Variants in SLC5A10 observed in about 807,000 individuals in gnomAD.
SLC5A10 encodes sodium/mannose cotransporter SLC5A10.
SLC5A10 carries 55 observed loss-of-function variants against 68.9 expected under a neutral mutation model. The ratio of observed to expected loss-of-function variants is 0.80; its 90% CI spans 0.64 to 1.00. The LOEUF (loss-of-function observed/expected upper bound fraction) is 1.00. Among genes scored for constraint, SLC5A10 ranks in the 50% least tolerant of loss-of-function variants. The probability of loss-of-function intolerance (pLI) is 0.00; values close to 1 mark genes in which losing one functional copy is unlikely to be tolerated. For synonymous variants in SLC5A10, 344 were observed against 344.8 expected, an observed-to-expected ratio of 1.00 and a Z score of 0.02; for missense variants, 732 against 819.3, an observed-to-expected ratio of 0.89 and a Z score of 1.30.
At chr17:19,001,128 T>G (rs1371984532) in intron 9 of SLC5A10, among the ~76,000 whole-genome samples, 2 of 152,152 alleles carry the variant, frequency 1.3e-5, no homozygotes, top group African/African-American at 2.4e-5. Flanking sequence ...TAACACTAGC[T>G]GAGATTATAA....
chr17:18,979,767 C>T (rs2043082619), intron 9 of SLC5A10: 1 of 1,440,494 alleles, frequency 6.9e-7, no homozygotes, highest in African/African-American at 1.4e-5. Context: ...TCAGAGGGGA[C>T]TCTGGAGTAG....
intron 9 of SLC5A10, among the ~76,000 whole-genome samples, chr17:19,009,197 T>C (rs2043963493): frequency 6.6e-6 from 1 of 152,088 alleles, no homozygotes; most frequent in Admixed American, 6.5e-5. Context: ...TTGTTGTTTG[T>C]TTGTTTGTTT....
At chr17:18,988,402 C>T in intron 9 of SLC5A10, 1 of 1,614,094 alleles carries the variant, frequency 6.2e-7, no homozygotes, top group South Asian at 1.1e-5. Flanking sequence ...ATGTCCATGA[C>T]CACAGCTATC....
At chr17:18,952,482 T>C in intron 1 of SLC5A10, 166 bp downstream of exon 1, 1 of 767,110 alleles carries the variant, frequency 1.3e-6, no homozygotes, top group Non-Finnish European at 2.0e-6. Context: ...CTTGGAGACC[T>C]TGACCAAGCC....
intron 1 of SLC5A10, chr17:18,952,599 G>A (rs2042391725): frequency 6.5e-6 from 2 of 307,478 alleles, no homozygotes; most frequent in Non-Finnish European, 1.2e-5. Flanking sequence ...GGAGTCCTTG[G>A]GTGTGGCCCA....
chr17:19,021,824 A>G lies in SLC5A10; in HGVS notation c.*1393A>G. On this transcript the variant is annotated 3_prime_UTR_variant, in exon 15 of 15. Transcript: ENST00000395645. The surrounding 1 kb of genome is among the most constrained non-coding windows in gnomAD (Gnocchi z 4.1). Reference sequence around the variant, plus strand: ...CAGTTTGTGCAGAGCGGCCGGAGGCAGTTAGGAGCCCACGTTCAGTCCAAG... The same window carrying G: ...CAGTTTGTGCAGAGCGGCCGGAGGCGGTTAGGAGCCCACGTTCAGTCCAAG... 1.1e-6 allele frequency: 1 copy of G among 888,398 alleles called. No homozygotes were observed. Among genetic ancestry groups the G allele is most frequent in the East Asian group, 3.3e-5 (1 of 30,280 alleles). The allele number at this position is 888,398 out of a possible 1,614,324, so 55.0% of individuals were successfully genotyped here. A position where few individuals can be genotyped will look rare whatever the true frequency, so the allele number is the denominator to read the frequency against.
intron 9 of SLC5A10, among the ~76,000 whole-genome samples, chr17:18,991,798 T>C (rs1036249451): frequency 6.6e-6 from 1 of 152,202 alleles, no homozygotes; most frequent in African/African-American, 2.4e-5. Context: ...GGGAGCCCAG[T>C]GGTCCCTGTG....
chr17:19,013,540 C>T (rs1262816282), intron 10 of SLC5A10, 23 bp downstream of exon 10: 2 of 1,562,676 alleles, frequency 1.3e-6, no homozygotes, highest in Admixed American at 3.7e-5. Flanking sequence ...GGGTGGGGGT[C>T]TGGGTGGAGG....
At chr17:18,978,942 T>A in intron 9 of SLC5A10, 5 of 1,413,388 alleles carry the variant, frequency 3.5e-6, no homozygotes, top group South Asian at 1.3e-5. Flanking sequence ...CCTCAGACTG[T>A]GGCCACAGGG....
intron 5 of SLC5A10, among the ~76,000 whole-genome samples, chr17:18,966,048 A>G (rs2042702482): frequency 6.6e-6 from 1 of 152,222 alleles, no homozygotes; most frequent in South Asian, 2.1e-4. Flanking sequence ...GTCACCTGTC[A>G]AAAGTGGCAA....
chr17:18,978,830 C>G, intron 9 of SLC5A10: 2 of 1,612,156 alleles, frequency 1.2e-6, no homozygotes, highest in Non-Finnish European at 1.7e-6. Context: ...CCGGTCCGTC[C>G]GCGCGGCCGA....
In SLC5A10 at chr17:19,021,968, C is replaced by A; in HGVS notation, c.*1537C>A. On this transcript the variant is annotated 3_prime_UTR_variant, in exon 15 of 15. Coordinates refer to ENST00000395645, the MANE Select transcript of SLC5A10 (RefSeq NM_001042450.4). The surrounding 1 kb of genome is among the most constrained non-coding windows in gnomAD (Gnocchi z 4.1). ...TCGGCCGCCGGGCTGCTCACAGGTG[C>A]ACGGGCTGCACGTAACTCCGTGGGA... 1.9e-6 allele frequency: 3 copies of A among 1,556,154 alleles called. No homozygotes were observed. Among genetic ancestry groups the A allele is most frequent in the Non-Finnish European group, 2.6e-6 (3 of 1,152,836 alleles).
In SLC5A10 at chr17:19,003,149, G is replaced by A. The variant is rs1415027430; in HGVS notation, c.983-10261G>A. Among the ~76,000 whole-genome samples the A allele has an allele frequency of 7.9e-5, 12 of 151,286 alleles. No individual in the cohort carries two copies. The South Asian group carries it at 2.3e-3, about 29-fold the overall frequency. Reference sequence around the variant, plus strand: ...ACCAGAGAGCTCATGGTGTGTGCGCGCCTTTACAGTGAATCAGAGCCACTC... The same window carrying A: ...ACCAGAGAGCTCATGGTGTGTGCGCACCTTTACAGTGAATCAGAGCCACTC... On this transcript the variant is annotated intron_variant, in intron 9 of 14. Coordinates refer to ENST00000395645, the MANE Select transcript of SLC5A10 (RefSeq NM_001042450.4). This position sits in a 1 kb window ranked among gnomAD's most constrained non-coding sequence, Gnocchi z 4.5.
chr17:18,956,339 C>A (rs1407713151), intron 1 of SLC5A10, among the ~76,000 whole-genome samples: 1 of 151,718 alleles, frequency 6.6e-6, no homozygotes, highest in African/African-American at 2.4e-5. Flanking sequence ...AAGAGACCTG[C>A]ATATTGATGG....
In SLC5A10 at chr17:19,021,951, C is replaced by T. The variant is rs766873552; in HGVS notation, c.*1520C>T. On this transcript the variant is annotated 3_prime_UTR_variant, in exon 15 of 15. Coordinates refer to ENST00000395645, the MANE Select transcript of SLC5A10 (RefSeq NM_001042450.4). This position sits in a 1 kb window ranked among gnomAD's most constrained non-coding sequence, Gnocchi z 4.1. ...AAGGCCCGTTGGCCAGATCGGCCGC[C>T]GGGCTGCTCACAGGTGCACGGGCTG... The T allele has an allele frequency of 2.7e-6, 4 of 1,509,114 alleles. No individual in the cohort carries two copies. Among genetic ancestry groups the T allele is most frequent in the Admixed American group, 2.2e-5 (1 of 44,652 alleles). The allele number at this position is 1,509,114 out of a possible 1,614,324, so 93.5% of individuals were successfully genotyped here.
In SLC5A10 at chr17:19,000,661, C is replaced by T. The variant is rs1461358338; in HGVS notation, c.983-12749C>T. 6.6e-6 allele frequency among the ~76,000 whole-genome samples: 1 copy of T among 152,162 alleles called. No individual in the cohort carries two copies. The highest frequency in any genetic ancestry group is 2.4e-5 in the African/African-American group (1 of 41,448). On this transcript the variant is annotated intron_variant, in intron 9 of 14. Coordinates refer to ENST00000395645, the MANE Select transcript of SLC5A10 (RefSeq NM_001042450.4). This position sits in a 1 kb window ranked among gnomAD's most constrained non-coding sequence, Gnocchi z 5.2. ...CAGCCCCAGCAGCCCCAGCCTAAAG[C>T]CCCCGGTGGGAAGGGGCCAGTGTGC...
chr17:18,971,264 G>T lies in SLC5A10; in HGVS notation c.846+46G>T, dbSNP rs748483821. 2.5e-6 allele frequency: 4 copies of T among 1,611,944 alleles called. No homozygotes were observed. In the South Asian group the frequency reaches 4.4e-5, roughly 18 times the overall value. On this transcript the variant is annotated intron_variant, in intron 8 of 14. Transcript: ENST00000395645. The surrounding 1 kb of genome is among the most constrained non-coding windows in gnomAD (Gnocchi z 5.5). ...CCCATCCCACCTTCCTGCCGTCCCAGTGGGCTCTGGTAGGCCCAGGCGGCC... is the reference window on the plus strand; with the variant it reads ...CCCATCCCACCTTCCTGCCGTCCCATTGGGCTCTGGTAGGCCCAGGCGGCC...
intron 9 of SLC5A10, among the ~76,000 whole-genome samples, chr17:18,989,854 G>T (rs553063605): frequency 1.5e-4 from 23 of 152,336 alleles, no homozygotes; most frequent in South Asian, 2.1e-4. Flanking sequence ...AGCAAGTTGG[G>T]CCAGGGCCTG....
chr17:18,958,177 G>A (rs903359127), intron 1 of SLC5A10, among the ~76,000 whole-genome samples: 2 of 152,200 alleles, frequency 1.3e-5, no homozygotes, highest in Non-Finnish European at 1.5e-5. Flanking sequence ...CTCAAGAGAT[G>A]CTCCCACCTC....
Sources: allele counts gnomAD v4.1 joint callset (sites outside exome capture counted in the v4.1 genomes callset), GRCh38; gene constraint gnomAD v4.1.1; non-coding constraint Gnocchi (gnomAD v3.1); transcripts MANE v1.5; gene names NCBI Gene and HGNC (gene_info 2026-07-23, HGNC 2026-07-21).